Variants in NMS observed in about 807,000 individuals in gnomAD.
NMS encodes neuromedin S.
A neutral mutation model predicts 32.2 loss-of-function variants in NMS; 30 were observed. The observed-to-expected ratio is 0.93, with a 90% CI of 0.70 to 1.26. The LOEUF is 1.26. NMS is among the 50% of genes most tolerant of loss of function. The probability of loss-of-function intolerance (pLI) is 0.00; values close to 1 mark genes in which losing one functional copy is unlikely to be tolerated. For synonymous variants in NMS, 76 were observed against 58.5 expected (o/e 1.30, Z -1.37); for missense variants, 190 against 186.3 (o/e 1.02, Z -0.12).
At chr2:100,471,226 G>A (rs1473269246) in intron 1 of NMS, among the ~76,000 whole-genome samples, 1 of 152,186 alleles carries the variant, frequency 6.6e-6, no homozygotes, top group African/African-American at 2.4e-5. Flanking sequence ...GCAGGGAAGT[G>A]GGCGGTGGCA....
chr2:100,482,456 C>T (rs972253517), intron 9 of NMS, 145 bp downstream of exon 9: 8 of 749,046 alleles, frequency 1.1e-5, no homozygotes, highest in Middle Eastern at 2.4e-4. Flanking sequence ...AACTCTGCCC[C>T]TTCCCTTTTC....
chr2:100,482,420 A>T (rs1273035319), intron 9 of NMS, 109 bp downstream of exon 9: 15 of 1,050,896 alleles, frequency 1.4e-5, no homozygotes, highest in Non-Finnish European at 2.1e-5. Flanking sequence ...TTGTTCAAGA[A>T]ATGAGGACCC....
Position 100,482,438 on chromosome 2 carries a change from C to A in NMS, c.449+127C>A. 5 of 852,640 alleles carry A rather than the reference C, an allele frequency of 5.9e-6. 1 individual carries two copies. Among genetic ancestry groups the A allele is most frequent in the South Asian group, 4.5e-5 (3 of 66,416 alleles). 52.8% of individuals were successfully genotyped at this position (852,640 alleles called of 1,614,324 possible). ...TTCAAGAAATGAGGACCCTTCATAA[C>A]CCCCAGGAACTCTGCCCCTTCCCTT... On this transcript the variant is annotated intron_variant, in intron 9 of 9. Transcript: ENST00000376865.
intron 5 of NMS, among the ~76,000 whole-genome samples, chr2:100,478,620 A>G (rs927214850): frequency 6.6e-6 from 1 of 151,976 alleles, no homozygotes; most frequent in African/African-American, 2.4e-5. Context: ...ACGTGCCACC[A>G]CACCTGGCTA....
rs940628314 is a variant in NMS, at chr2:100,480,507, T to G, written c.348T>G (p.Thr116=). 6.2e-7 allele frequency: 1 copy of G among 1,613,186 alleles called. No individual in the cohort carries two copies. The highest frequency in any genetic ancestry group is 1.1e-5 in the South Asian group (1 of 91,050). ...TCATTTCCTTGCAGGGCTCGGGGACTGCTGCAGTGGACTTCACCAAGAAGG... is the reference window on the plus strand; with the variant it reads ...TCATTTCCTTGCAGGGCTCGGGGACGGCTGCAGTGGACTTCACCAAGAAGG... ...MKRILQRGSG[T]AAVDFTKKDH... Residue 116 remains threonine (T), a synonymous_variant, in exon 7 of 10, where the codon ACT becomes ACG. Coordinates refer to ENST00000376865, the MANE Select transcript of NMS (RefSeq NM_001011717.1).
intron 1 of NMS, among the ~76,000 whole-genome samples, chr2:100,472,471 TA>T (rs1306105774): frequency 1.3e-5 from 2 of 152,218 alleles, no homozygotes; most frequent in African/African-American, 4.8e-5. Flanking sequence ...AAATACAAAC[TA>T]AGTTGTTACC....
At chr2:100,483,133 T>C in intron 9 of NMS, 119 bp from the exon 10 acceptor site, 1 of 856,746 alleles carries the variant, frequency 1.2e-6, no homozygotes, top group Non-Finnish European at 1.9e-6. Flanking sequence ...TGGGCATTTA[T>C]GACACTTCAA....
chr2:100,470,594 G>T, intron 1 of NMS, 30 bp downstream of exon 1: 1 of 1,561,110 alleles, frequency 6.4e-7, no homozygotes. Context: ...ACTCCATCTG[G>T]CCTAAACTCT....
Position 100,470,492 on chromosome 2 carries a change from A to T in NMS, c.4A>T (p.Lys2Ter). Residue 2 changes from lysine (K) to a stop codon, truncating the protein, a stop_gained, in exon 1 of 10, where the codon AAA (lysine) becomes TAA (stop). Coordinates refer to ENST00000376865, the MANE Select transcript of NMS (RefSeq NM_001011717.1). LOFTEE classifies it high-confidence loss of function. Reference sequence around the variant, plus strand: ...AAGGAGAAACCAGACTCTCACAATGAAACATCTTCGTCCCCAGTTCCCTCT... The same window carrying T: ...AAGGAGAAACCAGACTCTCACAATGTAACATCTTCGTCCCCAGTTCCCTCT... M[K>*]HLRPQFPLIL... 1 of 1,613,512 alleles carries T rather than the reference A, an allele frequency of 6.2e-7. No individual in the cohort carries two copies. Among genetic ancestry groups the T allele is most frequent in the Non-Finnish European group, 8.5e-7 (1 of 1,179,524 alleles).
intron 6 of NMS, among the ~76,000 whole-genome samples, chr2:100,479,983 C>T (rs2104338299): frequency 6.6e-6 from 1 of 152,268 alleles, no homozygotes; most frequent in African/African-American, 2.4e-5. Context: ...GACCAGCTAT[C>T]CCAGTTTGTC....
At chr2:100,470,729 G>C (rs13388529) in intron 1 of NMS, among the ~76,000 whole-genome samples, 165 bp downstream of exon 1, 35,870 of 152,132 alleles carry the variant, frequency 0.24, 4,445 homozygotes, top group East Asian at 0.35. Context: ...AGAGGATCAA[G>C]AGAGCGAGAT....
chr2:100,475,004 G>A (rs1677080813), intron 3 of NMS, among the ~76,000 whole-genome samples: 1 of 152,140 alleles, frequency 6.6e-6, no homozygotes, highest in Non-Finnish European at 1.5e-5. Context: ...CACCAGCAGA[G>A]GCAGTGGAAG....
intron 8 of NMS, among the ~76,000 whole-genome samples, chr2:100,481,605 T>G (rs760095098): frequency 2.1e-4 from 32 of 152,242 alleles, no homozygotes; most frequent in Non-Finnish European, 3.8e-4. Context: ...ATTCACTAGC[T>G]GTGCTCCACC....
intron 3 of NMS, among the ~76,000 whole-genome samples, chr2:100,476,855 A>G (rs963374198): frequency 6.6e-6 from 1 of 152,184 alleles, no homozygotes; most frequent in Non-Finnish European, 1.5e-5. Context: ...AAGCTTGACC[A>G]ATATGAACTA....
chr2:100,477,973 A>G (rs1404539359), intron 5 of NMS, among the ~76,000 whole-genome samples: 1 of 152,104 alleles, frequency 6.6e-6, no homozygotes, highest in Non-Finnish European at 1.5e-5. Context: ...GAATATATAT[A>G]TATATTTGAG....
At chr2:100,482,161 G>A (rs1309511314) in intron 8 of NMS, 116 bp from the exon 9 acceptor site, 1 of 1,002,220 alleles carries the variant, frequency 1.0e-6, no homozygotes, top group East Asian at 2.4e-5. Context: ...GGAGGGGAGT[G>A]AAGTCCTAGT....
chr2:100,479,660 C>T (rs568003279), intron 6 of NMS, among the ~76,000 whole-genome samples: 1 of 152,324 alleles, frequency 6.6e-6, no homozygotes, highest in Admixed American at 6.5e-5. Flanking sequence ...CCCCATGGCC[C>T]AGCCTGCTTC....
Position 100,473,482 on chromosome 2 carries a change from T to G in NMS, c.133-7T>G. ...CTTTGATTTGTTTTCTTCATTTTAT[T>G]TTTTAGCAGCTGGCATATTGTCTGA... On this transcript the variant is annotated splice_polypyrimidine_tract_variant and splice_region_variant and intron_variant, in intron 2 of 9. Coordinates refer to ENST00000376865, the MANE Select transcript of NMS (RefSeq NM_001011717.1). 10 of 1,484,786 alleles carry G rather than the reference T, an allele frequency of 6.7e-6. No homozygotes were observed. Among genetic ancestry groups the G allele is most frequent in the Non-Finnish European group, 9.0e-6 (10 of 1,108,160 alleles). The allele number at this position is 1,484,786 out of a possible 1,614,324, so 92.0% of individuals were successfully genotyped here.
chr2:100,477,289 A>G, intron 4 of NMS, 22 bp downstream of exon 4: 1 of 1,611,770 alleles, frequency 6.2e-7, no homozygotes. Flanking sequence ...CTAGCCCTGT[A>G]CAAGTGCATG....
Sources: allele counts gnomAD v4.1 joint callset (sites outside exome capture counted in the v4.1 genomes callset), GRCh38; gene constraint gnomAD v4.1.1; transcripts MANE v1.5; gene names NCBI Gene and HGNC (gene_info 2026-07-23, HGNC 2026-07-21).